The following PDXDC1 variants were observed in gnomAD, a reference collection of about 807,000 sequenced individuals.
PDXDC1 encodes pyridoxal dependent decarboxylase domain containing 1.
A neutral mutation model predicts 100.1 loss-of-function variants in PDXDC1; 42 were observed. The ratio of observed to expected loss-of-function variants is 0.42; its 90% CI spans 0.33 to 0.54. The LOEUF (loss-of-function observed/expected upper bound fraction) is 0.54. Among genes scored for constraint, PDXDC1 ranks in the 20% least tolerant of loss-of-function variants. The pLI, the probability that PDXDC1 is intolerant of heterozygous loss-of-function variation, is 0.10. For synonymous variants in PDXDC1, 260 were observed against 371.7 expected (o/e 0.70, Z 3.46); for missense variants, 636 against 979.2 (o/e 0.65, Z 4.68).
intron 16 of PDXDC1, among the ~76,000 whole-genome samples, chr16:15,128,668 C>T (rs1361879221): frequency 6.6e-6 from 1 of 152,078 alleles, no homozygotes; most frequent in African/African-American, 2.4e-5. Flanking sequence ...AACCAGTGAC[C>T]CGCACTGCAC....
rs546367380 is a variant in PDXDC1 at position 15,108,332 on chromosome 16, G to A, written c.1400-30547G>A. 73 of 750,216 alleles carry A rather than the reference G, an allele frequency of 9.7e-5. 1 individual carries two copies. The highest frequency in any genetic ancestry group is 3.7e-4 in the East Asian group (3 of 8,002). The allele number at this position is 750,216 out of a possible 1,614,324, so 46.5% of individuals were successfully genotyped here. On this transcript the variant is annotated intron_variant, in intron 16 of 16. Coordinates refer to the PDXDC1 transcript ENST00000535621. ...TCCCAGAACGCTAGGAAACAGGGAC[G>A]AAAACACTTCAAAGAGAAAGTTAAT...
At chr16:15,055,901 G>T (rs2044493005) in intron 16 of PDXDC1, 4 of 1,230,536 alleles carry the variant, frequency 3.3e-6, no homozygotes, top group Non-Finnish European at 4.1e-6. Context: ...CTCCAAAGGC[G>T]GGTGGGCTCG....
At chr16:15,027,388 C>T (rs540541130) in intron 14 of PDXDC1, among the ~76,000 whole-genome samples, 1 of 152,400 alleles carries the variant, frequency 6.6e-6, no homozygotes, top group South Asian at 2.1e-4. Context: ...CTCCAGCGGG[C>T]ATGTGTTACA....
At chr16:15,030,544 C>CAAAAA (rs1156634836) in intron 16 of PDXDC1, among the ~76,000 whole-genome samples, 10 of 38,374 alleles carry the variant, frequency 2.6e-4, no homozygotes, top group East Asian at 1.1e-3. Flanking sequence ...GACTCCATCT[C>CAAAAA]AAAAAAAAAA....
intron 16 of PDXDC1, among the ~76,000 whole-genome samples, chr16:15,050,766 A>G (rs966219047): frequency 2.0e-5 from 3 of 152,088 alleles, no homozygotes; most frequent in Admixed American, 6.6e-5. Context: ...CTAAAAGAAG[A>G]GATGTAATAA....
chr16:15,141,894 A>T (rs1203163001), downstream of PDXDC1, among the ~76,000 whole-genome samples: 1 of 152,198 alleles, frequency 6.6e-6, no homozygotes. Flanking sequence ...GTTAGACCTG[A>T]GGAGGGACTT....
chr16:15,144,892 C>T, the PDXDC1 span, among the ~76,000 whole-genome samples: 4 of 152,176 alleles, frequency 2.6e-5, no homozygotes, highest in Non-Finnish European at 5.9e-5. Context: ...TGCCACCTGC[C>T]GCTGGGGTCG....
Position 15,133,236 on chromosome 16 carries a change from G to A in PDXDC1, c.1400-5643G>A, listed in dbSNP as rs1336446631. On this transcript the variant is annotated intron_variant, in intron 16 of 16. Transcript: ENST00000535621. ...GGTCCCCAGCACGCATGCAGCAGAT[G>A]TGAGGTCCCCTGCCAGGCTGCACTC... 11 of 1,410,866 alleles carry A rather than the reference G, an allele frequency of 7.8e-6. No individual in the cohort carries two copies. In the Admixed American group the frequency reaches 1.2e-4, roughly 16 times the overall value. The allele number at this position is 1,410,866 out of a possible 1,614,324, so 87.4% of individuals were successfully genotyped here. A position where few individuals can be genotyped will look rare whatever the true frequency, so the allele number is the denominator to read the frequency against.
chr16:15,014,400 C>A (rs1466738463), intron 8 of PDXDC1, among the ~76,000 whole-genome samples: 4 of 152,284 alleles, frequency 2.6e-5, no homozygotes, highest in Non-Finnish European at 5.9e-5. Context: ...CAGATGTCAG[C>A]AGACACATGT....
intron 16 of PDXDC1, among the ~76,000 whole-genome samples, chr16:15,074,176 G>A (rs2151784715): frequency 6.6e-6 from 1 of 152,280 alleles, no homozygotes; most frequent in East Asian, 1.9e-4. Flanking sequence ...ATAACAGCAA[G>A]ACCGTTAAAA....
the PDXDC1 span, among the ~76,000 whole-genome samples, chr16:15,147,974 C>A: frequency 5.3e-5 from 8 of 151,506 alleles, no homozygotes; most frequent in Non-Finnish European, 1.2e-4. Flanking sequence ...CGTGAACCAC[C>A]GCGCCCACCC....
chr16:15,035,305 A>G (rs7404526), intron 21 of PDXDC1, 144 bp from the exon 22 acceptor site: 324,986 of 499,148 alleles, frequency 0.65, 110,771 homozygotes, highest in Non-Finnish European at 0.71. Flanking sequence ...CGGCACATTC[A>G]TAAGTGCCCT....
chr16:15,136,381 CCCAGCTCGCGT>C (rs1407219935), intron 16 of PDXDC1, among the ~76,000 whole-genome samples: 5 of 152,160 alleles, frequency 3.3e-5, no homozygotes, highest in African/African-American at 1.2e-4. Flanking sequence ...GGAGGCTGCC[CCCAGCTCGCGT>C]CCACCTCTGC....
At chr16:15,044,250 G>A in intron 16 of PDXDC1, 3 of 902,690 alleles carry the variant, frequency 3.3e-6, no homozygotes, top group Non-Finnish European at 5.4e-6. Context: ...CTTGGGTTTT[G>A]TACCAATTGG....
chr16:15,086,128 C>A, intron 16 of PDXDC1: 1 of 1,605,094 alleles, frequency 6.2e-7, no homozygotes, highest in African/African-American at 1.3e-5. Context: ...CAATGACTTA[C>A]GAGGCACAAA....
intron 16 of PDXDC1, chr16:15,079,899 G>A (rs2045625567): frequency 3.0e-6 from 4 of 1,322,508 alleles, no homozygotes; most frequent in Non-Finnish European, 3.1e-6. Flanking sequence ...GCCTGGCCAA[G>A]TGGATTCTTT....
chr16:15,001,181 C>T (rs1375913913), intron 3 of PDXDC1, among the ~76,000 whole-genome samples: 2 of 152,160 alleles, frequency 1.3e-5, no homozygotes, highest in Non-Finnish European at 2.9e-5. Context: ...ATGGCAAAAC[C>T]CTGTTTCTAC....
At chr16:14,982,286 T>C (rs1439409992) in intron 1 of PDXDC1, among the ~76,000 whole-genome samples, 3 of 152,024 alleles carry the variant, frequency 2.0e-5, no homozygotes, top group African/African-American at 7.3e-5. Flanking sequence ...ACCATGATGG[T>C]TAAAAATAAG....
chr16:15,075,385 C>A (rs1384918402), intron 16 of PDXDC1, among the ~76,000 whole-genome samples: 2 of 151,992 alleles, frequency 1.3e-5, no homozygotes, highest in African/African-American at 4.8e-5. Context: ...CCAGCCTGGG[C>A]AACACAGTGA....
Sources: allele counts gnomAD v4.1 joint callset (sites outside exome capture counted in the v4.1 genomes callset), GRCh38; gene constraint gnomAD v4.1.1; transcripts MANE v1.5; gene names NCBI Gene and HGNC (gene_info 2026-07-23, HGNC 2026-07-21).